Variants in CTNNA3 observed in about 807,000 individuals in gnomAD.
CTNNA3 encodes the protein catenin alpha 3, also known as catenin alpha-3.
Under a neutral mutation model 95.7 loss-of-function variants are expected in CTNNA3, and 76 were observed. The observed-to-expected ratio is 0.79, with a 90% CI of 0.66 to 0.96. The LOEUF is 0.96. CTNNA3 is among the 40% of genes least tolerant of loss of function. The pLI is 0.00. For synonymous variants in CTNNA3, 431 were observed against 374.4 expected, an observed-to-expected ratio of 1.15 and a Z score of -1.74; for missense variants, 1,191 against 1,089.8, an observed-to-expected ratio of 1.09 and a Z score of -1.31.
chr10:67,629,906 A>G (rs1027523917), intron 2 of CTNNA3, among the ~76,000 whole-genome samples: 2 of 152,140 alleles, frequency 1.3e-5, no homozygotes, highest in Non-Finnish European at 2.9e-5. Flanking sequence ...TGTATCTTTC[A>G]GCTTTGCACC....
intron 15 of CTNNA3, among the ~76,000 whole-genome samples, chr10:66,021,302 G>A (rs1589258055): frequency 6.6e-6 from 1 of 152,142 alleles, no homozygotes; most frequent in Non-Finnish European, 1.5e-5. Context: ...TTTTTTAAAT[G>A]GCAGAAGAAT....
At chr10:67,702,272 G>A (rs563630989) in intron 1 of CTNNA3, among the ~76,000 whole-genome samples, 21 of 151,914 alleles carry the variant, frequency 1.4e-4, no homozygotes, top group South Asian at 4.2e-4. Flanking sequence ...TGCACCAAGC[G>A]GACCTAATAG....
At chr10:66,018,530 A>T (rs1395717492) in intron 15 of CTNNA3, among the ~76,000 whole-genome samples, 1 of 152,118 alleles carries the variant, frequency 6.6e-6, no homozygotes, top group Non-Finnish European at 1.5e-5. Context: ...ATTCTTTATA[A>T]GCACTCACAA....
At chr10:67,147,928 T>C (rs1222157883) in intron 7 of CTNNA3, among the ~76,000 whole-genome samples, 1 of 152,176 alleles carries the variant, frequency 6.6e-6, no homozygotes, top group Non-Finnish European at 1.5e-5. Flanking sequence ...TATACAAGAA[T>C]TACTCTTGTT....
At chr10:66,797,323 T>C (rs1389020006) in intron 7 of CTNNA3, among the ~76,000 whole-genome samples, 1 of 151,482 alleles carries the variant, frequency 6.6e-6, no homozygotes, top group Non-Finnish European at 1.5e-5. Context: ...TAAACTATGG[T>C]TCCCAGGATG....
At chr10:65,954,903 T>G (rs2077697587) in intron 17 of CTNNA3, among the ~76,000 whole-genome samples, 1 of 152,132 alleles carries the variant, frequency 6.6e-6, no homozygotes, top group Non-Finnish European at 1.5e-5. Flanking sequence ...TTTAAAGTAT[T>G]TTTTTTCCAA....
At chr10:67,249,704 G>C (rs971252039) in intron 5 of CTNNA3, among the ~76,000 whole-genome samples, 1 of 152,222 alleles carries the variant, frequency 6.6e-6, no homozygotes, top group African/African-American at 2.4e-5. Context: ...GGTGGCAGGT[G>C]ACAGAGCCTA....
intron 7 of CTNNA3, among the ~76,000 whole-genome samples, chr10:67,154,526 G>GA (rs1861215590): frequency 6.6e-6 from 1 of 152,032 alleles, no homozygotes; most frequent in Non-Finnish European, 1.5e-5. Context: ...AATATACTGT[G>GA]AAAAAAGGAA....
intron 11 of CTNNA3, among the ~76,000 whole-genome samples, chr10:66,426,771 A>G (rs1281676733): frequency 6.6e-6 from 1 of 151,286 alleles, no homozygotes; most frequent in Non-Finnish European, 1.5e-5. Flanking sequence ...AGATCATCCC[A>G]CTCTTCAATT....
intron 9 of CTNNA3, among the ~76,000 whole-genome samples, chr10:66,698,667 T>A (rs899671230): frequency 6.6e-6 from 1 of 152,130 alleles, no homozygotes; most frequent in African/African-American, 2.4e-5. Flanking sequence ...TATGACAAAA[T>A]GAAATCCTGA....
chr10:67,438,178 A>G (rs1371089953), intron 5 of CTNNA3, among the ~76,000 whole-genome samples: 8 of 152,206 alleles, frequency 5.3e-5, no homozygotes, highest in African/African-American at 1.7e-4. Context: ...AGTACTTGGC[A>G]GTTTGGGCAT....
chr10:67,755,121 A>G (rs1841426000), intron 1 of CTNNA3, among the ~76,000 whole-genome samples: 1 of 151,940 alleles, frequency 6.6e-6, no homozygotes, highest in Non-Finnish European at 1.5e-5. Context: ...TGAGCCCAAG[A>G]GTTCAAGGCC....
At chr10:66,750,062 G>T (rs1454738945) in intron 9 of CTNNA3, among the ~76,000 whole-genome samples, 1 of 152,066 alleles carries the variant, frequency 6.6e-6, no homozygotes, top group East Asian at 1.9e-4. Context: ...CAGTTTGGTT[G>T]TTTTCTTATT....
At chr10:67,502,103 T>G (rs1250967582) in intron 5 of CTNNA3, among the ~76,000 whole-genome samples, 1 of 152,236 alleles carries the variant, frequency 6.6e-6, no homozygotes. Context: ...TTCATGGATT[T>G]ATATACCTTT....
At chr10:67,571,906 C>G (rs1841992037) in intron 3 of CTNNA3, among the ~76,000 whole-genome samples, 1 of 152,162 alleles carries the variant, frequency 6.6e-6, no homozygotes, top group Admixed American at 6.5e-5. Flanking sequence ...TATTGAAAAA[C>G]TTTAAATTAT....
At chr10:66,436,247 G>A (rs923336312) in intron 11 of CTNNA3, among the ~76,000 whole-genome samples, 6 of 151,920 alleles carry the variant, frequency 3.9e-5, no homozygotes, top group South Asian at 2.1e-4. Flanking sequence ...TTTCTGTCTC[G>A]TTTATCTGTC....
intron 3 of CTNNA3, among the ~76,000 whole-genome samples, chr10:67,580,342 G>C (rs537625815): frequency 6.6e-6 from 1 of 151,914 alleles, no homozygotes. Flanking sequence ...TTTTTGTCAG[G>C]TTTGTCAAAG....
intron 6 of CTNNA3, among the ~76,000 whole-genome samples, chr10:67,188,148 C>T (rs1862949662): frequency 6.6e-6 from 1 of 152,184 alleles, no homozygotes; most frequent in South Asian, 2.1e-4. Context: ...GTTAGTTAAG[C>T]ACAGATTGAC....
intron 10 of CTNNA3, among the ~76,000 whole-genome samples, chr10:66,586,315 T>C (rs886900323): frequency 1.3e-5 from 2 of 152,024 alleles, no homozygotes; most frequent in African/African-American, 2.4e-5. Flanking sequence ...TATCCAACGA[T>C]TGGATGAAGT....
Sources: gnomAD v4.1 joint callset for allele counts (sites outside exome capture counted in the v4.1 genomes callset) on GRCh38, gnomAD v4.1.1 for gene constraint, MANE v1.5 for transcripts, NCBI Gene and HGNC (gene_info 2026-07-23, HGNC 2026-07-21) for gene names.